ZNF544: variants seen among roughly 807,000 people sequenced by gnomAD.
The protein encoded by ZNF544 is zinc finger protein AF020591.
A neutral mutation model predicts 13.5 loss-of-function variants in ZNF544; 10 were observed. The observed-to-expected ratio is 0.74, with a 90% CI of 0.46 to 1.25. The LOEUF is 1.25. ZNF544 is among the 50% of genes most tolerant of loss of function. The pLI, the probability that ZNF544 is intolerant of heterozygous loss-of-function variation, is 0.00. For missense variants in ZNF544, 896 were observed against 845.6 expected (o/e 1.06, Z -0.74); for synonymous variants, 323 against 300.5 (o/e 1.07, Z -0.77).
At chr19:58,255,714 G>A (rs991582053) in intron 6 of ZNF544, among the ~76,000 whole-genome samples, 2 of 152,232 alleles carry the variant, frequency 1.3e-5, no homozygotes, top group Admixed American at 6.5e-5. Flanking sequence ...AAGAAAAGAG[G>A]ATTTAAGTCA....
chr19:58,240,909 G>T (rs138257403), intron 3 of ZNF544, among the ~76,000 whole-genome samples: 131 of 151,502 alleles, frequency 8.6e-4, no homozygotes, highest in East Asian at 2.0e-3. Context: ...TGGGGTAGGG[G>T]TCATTTTTTT....
intron 3 of ZNF544, among the ~76,000 whole-genome samples, chr19:58,243,255 G>C (rs1424956103): frequency 6.6e-6 from 1 of 152,102 alleles, no homozygotes; most frequent in Non-Finnish European, 1.5e-5. Flanking sequence ...GGAATGTTCA[G>C]TGGTCTCGAG....
Position 58,263,392 on chromosome 19 carries a change from CGGTGGTTGCAGTGAGCT to C in ZNF544, c.*640_*656del, listed in dbSNP as rs1453113391. On this transcript the variant is annotated 3_prime_UTR_variant, in exon 7 of 7. Coordinates refer to ENST00000687789, the MANE Select transcript of ZNF544 (RefSeq NM_014480.4). The stretch of plus-strand genomic sequence containing the variant: ...GGGAGGATCACTTGAGCTTGGGAGG[CGGTGGTTGCAGTGAGCT>C]GTGATCATGCCATCACACCGCTGCC... 1 of 973,804 alleles carries C rather than the reference CGGTGGTTGCAGTGAGCT, an allele frequency of 1.0e-6. No individual in the cohort carries two copies. Among genetic ancestry groups the C allele is most frequent in the African/African-American group, 1.8e-5 (1 of 56,754 alleles). 60.3% of individuals were successfully genotyped at this position (973,804 alleles called of 1,614,324 possible). A position where few individuals can be genotyped will look rare whatever the true frequency, so the allele number is the denominator to read the frequency against.
Position 58,253,694 on chromosome 19 carries a change from C to T in ZNF544, c.244+6900C>T, listed in dbSNP as rs1365593801. On this transcript the variant is annotated intron_variant, in intron 6 of 6. Coordinates refer to ENST00000687789, the MANE Select transcript of ZNF544 (RefSeq NM_014480.4). ...ACCTCGGGTGATCTGCCCACCTTGG[C>T]CTCCCAAAGTGCTGGGATTGCAGGC... Among the ~76,000 whole-genome samples, 6 of 152,298 alleles carry T rather than the reference C, an allele frequency of 3.9e-5. No homozygotes were observed. The South Asian group carries it at 1.2e-3, about 32-fold the overall frequency.
intron 6 of ZNF544, chr19:58,276,435 T>TGAA (rs1328163729): frequency 8.2e-7 from 1 of 1,217,646 alleles, no homozygotes; most frequent in African/African-American, 1.6e-5. Context: ...CTCAGGTGAG[T>TGAA]GAAGACATCT....
intron 4 of ZNF544, 123 bp from the exon 5 acceptor site, chr19:58,246,178 C>G (rs1244067765): frequency 6.5e-5 from 86 of 1,325,926 alleles, no homozygotes; most frequent in Non-Finnish European, 8.8e-5. Context: ...CACTATCTCA[C>G]TGGGTATTAG....
chr19:58,235,632 T>A (rs1450506726), intron 3 of ZNF544, among the ~76,000 whole-genome samples: 1 of 152,238 alleles, frequency 6.6e-6, no homozygotes, highest in African/African-American at 2.4e-5. Flanking sequence ...AGTATGTGAA[T>A]GCATATGTTA....
intron 2 of ZNF544, 75 bp downstream of exon 2, chr19:58,229,645 G>A (rs1052826000): frequency 6.8e-6 from 1 of 147,598 alleles, no homozygotes; most frequent in African/African-American, 2.4e-5. Flanking sequence ...AGTCCACGCA[G>A]GGCAGGGGTA....
intron 3 of ZNF544, among the ~76,000 whole-genome samples, chr19:58,241,034 C>T (rs1233620338): frequency 1.4e-5 from 2 of 146,688 alleles, no homozygotes; most frequent in African/African-American, 2.5e-5. Flanking sequence ...TGTGGTGGCA[C>T]GATCACTACT....
chr19:58,233,606 C>T (rs1320206195), intron 3 of ZNF544, among the ~76,000 whole-genome samples: 2 of 152,168 alleles, frequency 1.3e-5, no homozygotes, highest in African/African-American at 4.8e-5. Context: ...GTAATATATT[C>T]TGCCCACAGA....
intron 3 of ZNF544, among the ~76,000 whole-genome samples, chr19:58,241,500 T>TTC (rs2043852494): frequency 7.1e-6 from 1 of 139,916 alleles, no homozygotes; most frequent in African/African-American, 2.6e-5. Context: ...ATTCCATTTC[T>TTC]TTTTTTTTTT....
Position 58,263,347 on chromosome 19 carries a change from G to T in ZNF544, c.*593G>T. On this transcript the variant is annotated 3_prime_UTR_variant, in exon 7 of 7. Transcript: ENST00000687789. ...ATGGTGGCGCATACCTGTAGTCCTAGCTACTCAGGAGGCTGAGGTGGGAGG... is the reference window on the plus strand; with the variant it reads ...ATGGTGGCGCATACCTGTAGTCCTATCTACTCAGGAGGCTGAGGTGGGAGG... 2.3e-6 allele frequency: 2 copies of T among 885,400 alleles called. No homozygotes were observed. The highest frequency in any genetic ancestry group is 2.7e-6 in the Non-Finnish European group (2 of 738,752). 54.8% of individuals were successfully genotyped at this position (885,400 alleles called of 1,614,324 possible).
chr19:58,256,473 CAAT>C (rs1260946337), intron 6 of ZNF544, among the ~76,000 whole-genome samples: 1 of 151,998 alleles, frequency 6.6e-6, no homozygotes, highest in East Asian at 1.9e-4. Flanking sequence ...GACTCAAATG[CAAT>C]AAGTCTACAG....
At chr19:58,242,643 C>A (rs1001155650) in intron 3 of ZNF544, among the ~76,000 whole-genome samples, 1 of 152,000 alleles carries the variant, frequency 6.6e-6, no homozygotes, top group African/African-American at 2.4e-5. Flanking sequence ...CCCCTACCCC[C>A]ACCAGTTGCT....
At position 58,254,333 on chromosome 19, in the gene ZNF544, T is replaced by C. The variant is rs529128728; in HGVS notation, c.245-6518T>C. Among the ~76,000 whole-genome samples, 24 of 152,328 alleles carry C rather than the reference T, an allele frequency of 1.6e-4. No homozygotes were observed. The South Asian group carries it at 2.9e-3, about 18-fold the overall frequency. On this transcript the variant is annotated intron_variant, in intron 6 of 6. Transcript: ENST00000687789. ...CAAACAATGTTGGGGCCAAACAGTA[T>C]TGCAAAAGAATATCAAGTGTTTCCT...
intron 3 of ZNF544, among the ~76,000 whole-genome samples, chr19:58,233,235 C>T (rs968925573): frequency 6.6e-6 from 1 of 152,044 alleles, no homozygotes. Context: ...CAACATGACA[C>T]GTGGGAATTA....
intron 5 of ZNF544, among the ~76,000 whole-genome samples, chr19:58,271,890 A>G (rs576954512): frequency 5.9e-5 from 9 of 152,068 alleles, no homozygotes; most frequent in African/African-American, 9.6e-5. Context: ...GGCTGGGCGC[A>G]GTGGCTCATG....
intron 5 of ZNF544, among the ~76,000 whole-genome samples, chr19:58,275,579 C>T (rs111612202): frequency 7.9e-5 from 12 of 151,626 alleles, no homozygotes; most frequent in Admixed American, 3.3e-4. Context: ...GAGGCCAAGG[C>T]GGATGGACTG....
intron 3 of ZNF544, among the ~76,000 whole-genome samples, chr19:58,238,533 G>A (rs923532351): frequency 6.6e-6 from 1 of 152,146 alleles, no homozygotes; most frequent in African/African-American, 2.4e-5. Flanking sequence ...CACGCAGGAG[G>A]CGTCAGGAAG....
Sources: allele counts gnomAD v4.1 joint callset (sites outside exome capture counted in the v4.1 genomes callset), GRCh38; gene constraint gnomAD v4.1.1; transcripts MANE v1.5; gene names NCBI Gene and HGNC (gene_info 2026-07-23, HGNC 2026-07-21).